The following MBOAT7 variants were observed in gnomAD, a reference collection of about 807,000 sequenced individuals.
MBOAT7 encodes the protein membrane-bound acylglycerophosphatidylinositol O-acyltransferase MBOAT7.
Under a neutral mutation model 47.4 loss-of-function variants are expected in MBOAT7, and 40 were observed. That is an observed-to-expected ratio of 0.84 (90% CI 0.66 to 1.10). The LOEUF (loss-of-function observed/expected upper bound fraction) is 1.10. Ranked by LOEUF, MBOAT7 falls within the 50% of genes least tolerant of loss-of-function variation. The pLI is 0.00. For missense variants in MBOAT7, 680 were observed against 655.6 expected, an observed-to-expected ratio of 1.04 and a Z score of -0.41; for synonymous variants, 361 against 292.0, an observed-to-expected ratio of 1.24 and a Z score of -2.41.
chr19:54,187,353 G>A (rs574614253), intron 3 of MBOAT7, 66 bp from the exon 4 acceptor site: 15 of 1,495,682 alleles, frequency 1.0e-5, no homozygotes, highest in East Asian at 2.4e-5. Context: ...CTCACTCCAC[G>A]AGTCCAGCCA....
At chr19:54,178,666 CG>C in intron 7 of MBOAT7, 98 bp downstream of exon 7, 4 of 1,507,862 alleles carry the variant, frequency 2.7e-6, no homozygotes, top group Admixed American at 2.2e-5. Flanking sequence ...CATGAGCCTC[CG>C]GGGGCAGGGG....
Position 54,186,356 on chromosome 19 carries a change from T to C in MBOAT7, c.333+805A>G, listed in dbSNP as rs73936634. 3.6e-3 allele frequency among the ~76,000 whole-genome samples: 548 copies of C among 152,256 alleles called. 1 individual carries two copies. Among genetic ancestry groups the C allele is most frequent in the African/African-American group, 0.012 (497 of 41,554 alleles). ...AACATTTAAAACTGGTCACATTGCCTCTTCTGGCAGCAAACCAAAAATCCC... is the reference window on the plus strand; with the variant it reads ...AACATTTAAAACTGGTCACATTGCCCCTTCTGGCAGCAAACCAAAAATCCC... On this transcript the variant is annotated intron_variant, in intron 4 of 7. Transcript: ENST00000245615.
At chr19:54,183,146 A>G (rs1329677428) in intron 5 of MBOAT7, among the ~76,000 whole-genome samples, 2 of 152,226 alleles carry the variant, frequency 1.3e-5, no homozygotes, top group African/African-American at 4.8e-5. Flanking sequence ...GATTATAGGC[A>G]TAAGCCCCCA....
At chr19:54,184,452 C>T (rs2076376090) in intron 4 of MBOAT7, among the ~76,000 whole-genome samples, 1 of 152,136 alleles carries the variant, frequency 6.6e-6, no homozygotes, top group Non-Finnish European at 1.5e-5. Flanking sequence ...AGATCTCCTT[C>T]TTCCAGCTTG....
At chr19:54,188,006 A>C (rs2076478856) in intron 3 of MBOAT7, among the ~76,000 whole-genome samples, 2 of 141,746 alleles carry the variant, frequency 1.4e-5, no homozygotes, top group African/African-American at 2.7e-5. Context: ...CAGGAGCGAA[A>C]CTCCATCTCA....
chr19:54,177,424 T>C (rs2076139222), intron 7 of MBOAT7, among the ~76,000 whole-genome samples: 1 of 151,608 alleles, frequency 6.6e-6, no homozygotes, highest in Non-Finnish European at 1.5e-5. Flanking sequence ...GCCTCCCCAG[T>C]AGCTGGGACT....
chr19:54,185,070 C>T (rs2076394358), intron 4 of MBOAT7, among the ~76,000 whole-genome samples: 2 of 151,464 alleles, frequency 1.3e-5, no homozygotes, highest in Admixed American at 6.6e-5. Flanking sequence ...ATTAGCAAGG[C>T]GTGGTGGTGG....
intron 4 of MBOAT7, among the ~76,000 whole-genome samples, chr19:54,186,553 C>T (rs545137637): frequency 1.2e-4 from 18 of 152,284 alleles, no homozygotes; most frequent in African/African-American, 3.4e-4. Flanking sequence ...ACACATCCTG[C>T]GGCCTGAAAT....
intron 4 of MBOAT7, among the ~76,000 whole-genome samples, chr19:54,186,544 C>T (rs974576795): frequency 6.6e-6 from 1 of 152,186 alleles, no homozygotes; most frequent in Non-Finnish European, 1.5e-5. Context: ...CTCCCCTCCA[C>T]ACATCCTGCG....
chr19:54,182,561 T>G (rs1346597688), intron 5 of MBOAT7, among the ~76,000 whole-genome samples: 2 of 151,774 alleles, frequency 1.3e-5, no homozygotes, highest in Admixed American at 1.3e-4. Flanking sequence ...TGGATGAGTA[T>G]GTGAATTAGA....
In MBOAT7 at chr19:54,180,381, A is replaced by G. The variant is rs2076228855; in HGVS notation, c.854+392T>C. 6.4e-6 allele frequency: 1 copy of G among 157,378 alleles called. No homozygotes were observed. Among genetic ancestry groups the G allele is most frequent in the Non-Finnish European group, 1.4e-5 (1 of 72,138 alleles). The allele number at this position is 157,378 out of a possible 1,614,324, so 9.7% of individuals were successfully genotyped here. A position where few individuals can be genotyped will look rare whatever the true frequency, so the allele number is the denominator to read the frequency against. On this transcript the variant is annotated intron_variant, in intron 6 of 7. Transcript: ENST00000245615. This position sits in a 1 kb window ranked among gnomAD's most constrained non-coding sequence, Gnocchi z 5.2. ...AAATAGTGGCGTTCTGTTGCTAGGG[A>G]ACCGTTTCCCTAGCAACAGAGGGTG...
At chr19:54,175,127 C>CCACT (rs2076060953) in intron 7 of MBOAT7, among the ~76,000 whole-genome samples, 1 of 152,086 alleles carries the variant, frequency 6.6e-6, no homozygotes, top group African/African-American at 2.4e-5. Context: ...AGGCGCCTGC[C>CCACT]ACCACGCCCG....
In MBOAT7 at chr19:54,180,619, C is replaced by A. The variant is rs2076234644; in HGVS notation, c.854+154G>T. Reference sequence around the variant, plus strand: ...GGGATCTTTTCCCTACCGACAGGGGCTGGCAGGCCATGGTTGCCGAGGGGG... The same window carrying A: ...GGGATCTTTTCCCTACCGACAGGGGATGGCAGGCCATGGTTGCCGAGGGGG... On this transcript the variant is annotated intron_variant, in intron 6 of 7. Transcript: ENST00000245615. The surrounding 1 kb of genome is among the most constrained non-coding windows in gnomAD (Gnocchi z 5.2). The A allele has an allele frequency of 3.8e-5, 26 of 683,798 alleles. No individual in the cohort carries two copies. The South Asian group carries it at 5.2e-4, about 14-fold the overall frequency. The allele number at this position is 683,798 out of a possible 1,614,324, so 42.4% of individuals were successfully genotyped here.
chr19:54,173,918 T>G lies in MBOAT7; in HGVS notation c.*126A>C. 1.6e-6 allele frequency: 2 copies of G among 1,229,644 alleles called. No homozygotes were observed. Among genetic ancestry groups the G allele is most frequent in the Non-Finnish European group, 2.2e-6 (2 of 915,036 alleles). 76.2% of individuals were successfully genotyped at this position (1,229,644 alleles called of 1,614,324 possible). On this transcript the variant is annotated 3_prime_UTR_variant, in exon 8 of 8. Transcript: ENST00000245615. ...GTCTGCTTCAGTTGCAGGCAGGGTATTTAGCTGGGGAAGAGGAAATTCTCT... is the reference window on the plus strand; with the variant it reads ...GTCTGCTTCAGTTGCAGGCAGGGTAGTTAGCTGGGGAAGAGGAAATTCTCT...
rs779240002 is a variant in MBOAT7, at chr19:54,174,299, G to A, written c.1164C>T (p.Ser388=). The A allele has an allele frequency of 6.8e-6, 11 of 1,613,126 alleles. No homozygotes were observed. Among genetic ancestry groups the A allele is most frequent in the Non-Finnish European group, 9.3e-6 (11 of 1,179,476 alleles). Residue 388 remains serine, a synonymous_variant, in exon 8 of 8, where the codon AGC becomes AGT. Transcript: ENST00000245615. ...RLESALRGRL[S]PGGQKAWDWV... ...AGTCCCAGGCCTTCTGGCCCCCTGG[G>A]CTCAGCCGCCCCCGCAGGGCTGACT...
At chr19:54,185,937 C>G (rs777850218) in intron 4 of MBOAT7, among the ~76,000 whole-genome samples, 4 of 152,044 alleles carry the variant, frequency 2.6e-5, no homozygotes, top group Non-Finnish European at 4.4e-5. Flanking sequence ...CTCAGGTGAT[C>G]TACCCGCGTC....
At chr19:54,176,623 A>C (rs1340840110) in intron 7 of MBOAT7, among the ~76,000 whole-genome samples, 1 of 152,178 alleles carries the variant, frequency 6.6e-6, no homozygotes, top group Non-Finnish European at 1.5e-5. Flanking sequence ...AGCACCTTCC[A>C]GTTACAACAA....
At chr19:54,174,629 C>T (rs1362423061) in intron 7 of MBOAT7, among the ~76,000 whole-genome samples, 198 bp from the exon 8 acceptor site, 1 of 149,422 alleles carries the variant, frequency 6.7e-6, no homozygotes, top group Non-Finnish European at 1.5e-5. Context: ...CCAGTCCCTC[C>T]TCCCTCAGAC....
In MBOAT7 at chr19:54,188,347, C is replaced by T. The variant is rs146127535; in HGVS notation, c.77-1G>A. 3 of 1,613,598 alleles carry T rather than the reference C, an allele frequency of 1.9e-6. No individual in the cohort carries two copies. In the African/African-American group the frequency reaches 4.0e-5, roughly 22 times the overall value. ...GCTCCCCATCTCTTCAGCCCAGGAC[C>T]TGCAGGGGGAAGGGACAGCATAAGC... is the stretch of plus-strand genomic sequence containing the variant. On this transcript the variant is annotated splice_acceptor_variant, in intron 2 of 7. Transcript: ENST00000245615. LOFTEE classifies it high-confidence loss of function.
Sources: allele counts gnomAD v4.1 joint callset (sites outside exome capture counted in the v4.1 genomes callset), GRCh38; gene constraint gnomAD v4.1.1; non-coding constraint Gnocchi (gnomAD v3.1); transcripts MANE v1.5; gene names NCBI Gene and HGNC (gene_info 2026-07-23, HGNC 2026-07-21).